Variants in GLI2 observed in about 807,000 individuals in gnomAD.
The protein encoded by GLI2 is GLI family zinc finger 2, also known as transcription activator GLI2.
GLI2 carries 22 observed loss-of-function variants against 78.9 expected under a neutral mutation model. That is an observed-to-expected ratio of 0.28 (90% CI 0.20 to 0.40). The LOEUF (loss-of-function observed/expected upper bound fraction) is 0.40, where lower values mean the gene tolerates loss of function less well. GLI2 is among the 10% of genes least tolerant of loss of function. The pLI, the probability that GLI2 is intolerant of heterozygous loss-of-function variation, is 1.00. For missense variants in GLI2, 2,097 were observed against 2,213.2 expected (o/e 0.95, Z 1.05); for synonymous variants, 974 against 963.7 (o/e 1.01, Z -0.20).
At chr2:120,893,713 A>G (rs1573552013) in intron 2 of GLI2, among the ~76,000 whole-genome samples, 2 of 152,006 alleles carry the variant, frequency 1.3e-5, no homozygotes, top group East Asian at 3.9e-4. Context: ...CCCCCACAAA[A>G]CAGAAAAAAA....
At chr2:120,833,345 C>T (rs1183219510) in intron 2 of GLI2, among the ~76,000 whole-genome samples, 2 of 152,018 alleles carry the variant, frequency 1.3e-5, no homozygotes, top group Non-Finnish European at 2.9e-5. Context: ...GGGCAGTCTG[C>T]TCCCTCCCTG....
intron 2 of GLI2, among the ~76,000 whole-genome samples, chr2:120,870,099 C>T (rs1688351889): frequency 6.6e-6 from 1 of 152,196 alleles, no homozygotes; most frequent in Non-Finnish European, 1.5e-5. Context: ...CTATCAAGGC[C>T]ATGCCCAGGT....
At chr2:120,763,959 C>T (rs992721756) in intron 1 of GLI2, among the ~76,000 whole-genome samples, 4 of 152,204 alleles carry the variant, frequency 2.6e-5, no homozygotes, top group Admixed American at 6.5e-5. Context: ...CCAGTGTGTC[C>T]GGGGAGATAA....
At chr2:120,860,842 C>T (rs977612537) in intron 2 of GLI2, among the ~76,000 whole-genome samples, 1 of 152,110 alleles carries the variant, frequency 6.6e-6, no homozygotes, top group Non-Finnish European at 1.5e-5. Flanking sequence ...GACCCTGGCT[C>T]GGCCACTTGG....
At chr2:120,791,451 G>T (rs1489243505) in intron 1 of GLI2, among the ~76,000 whole-genome samples, 1 of 152,228 alleles carries the variant, frequency 6.6e-6, no homozygotes, top group South Asian at 2.1e-4. Flanking sequence ...AGGGCCTCAG[G>T]CCGTGAGTCG....
chr2:120,871,577 C>A (rs1688434141), intron 2 of GLI2, among the ~76,000 whole-genome samples: 1 of 152,186 alleles, frequency 6.6e-6, no homozygotes, highest in Non-Finnish European at 1.5e-5. Flanking sequence ...CTGATCTGTG[C>A]TCTTATAGGT....
intron 5 of GLI2, among the ~76,000 whole-genome samples, chr2:120,962,312 G>C (rs1681605875): frequency 6.6e-6 from 1 of 152,170 alleles, no homozygotes; most frequent in Non-Finnish European, 1.5e-5. Flanking sequence ...ATTCTGCTTA[G>C]ATGGCACCTT....
At chr2:120,799,195 C>A (rs1684564625) in intron 2 of GLI2, among the ~76,000 whole-genome samples, 1 of 152,160 alleles carries the variant, frequency 6.6e-6, no homozygotes, top group African/African-American at 2.4e-5. Context: ...AGGGGCCAGG[C>A]AGGAGGCCCA....
intron 1 of GLI2, among the ~76,000 whole-genome samples, chr2:120,767,550 AAG>A (rs1247958479): frequency 2.0e-5 from 3 of 152,252 alleles, no homozygotes; most frequent in African/African-American, 7.2e-5. Context: ...ATTTTCAAGA[AAG>A]AGGTAATTGA....
chr2:120,859,241 AT>A (rs1370743803), intron 2 of GLI2, among the ~76,000 whole-genome samples: 1 of 152,138 alleles, frequency 6.6e-6, no homozygotes, highest in Non-Finnish European at 1.5e-5. Context: ...GAGATCACAC[AT>A]TGAGTTGATG....
chr2:120,741,311 G>C (rs541013530), intron 1 of GLI2, among the ~76,000 whole-genome samples: 17 of 152,168 alleles, frequency 1.1e-4, no homozygotes, highest in African/African-American at 2.9e-4. Flanking sequence ...TGGGCAGCTT[G>C]TGGTGCACCT....
At chr2:120,742,281 A>AG (rs1369886784) in intron 1 of GLI2, among the ~76,000 whole-genome samples, 1 of 152,194 alleles carries the variant, frequency 6.6e-6, no homozygotes, top group African/African-American at 2.4e-5. Context: ...CTTAGCGCTC[A>AG]GAAAAAAGAT....
intron 1 of GLI2, among the ~76,000 whole-genome samples, chr2:120,758,242 T>A (rs1295532135): frequency 1.6e-4 from 24 of 152,262 alleles, no homozygotes; most frequent in Non-Finnish European, 1.5e-5. Context: ...ATTTTACTCC[T>A]AGCACCACAC....
At chr2:120,892,068 C>T (rs759306020) in intron 2 of GLI2, among the ~76,000 whole-genome samples, 36 of 151,718 alleles carry the variant, frequency 2.4e-4, no homozygotes, top group Non-Finnish European at 4.4e-4. Flanking sequence ...GCACTTTGGA[C>T]AAAGCTTGAC....
chr2:120,773,105 G>A (rs901795740), intron 1 of GLI2, among the ~76,000 whole-genome samples: 2 of 152,192 alleles, frequency 1.3e-5, no homozygotes, highest in African/African-American at 4.8e-5. Context: ...TTGACAGTAT[G>A]TGCTTTCCTG....
intron 2 of GLI2, among the ~76,000 whole-genome samples, chr2:120,916,355 A>G (rs984989269): frequency 2.6e-5 from 4 of 152,338 alleles, no homozygotes; most frequent in African/African-American, 7.2e-5. Context: ...CCAGGGCACA[A>G]TTGGGCATCC....
rs748468288 is a variant in GLI2 at position 120,927,378 on chromosome 2, C to A, written c.166C>A (p.Pro56Thr). 2.5e-6 allele frequency: 4 copies of A among 1,613,196 alleles called. No homozygotes were observed. The highest frequency in any genetic ancestry group is 1.1e-5 in the South Asian group (1 of 91,064). Residue 56 changes from proline (P) to threonine (T), a missense_variant, in exon 3 of 14, where the codon CCA (proline) becomes ACA (threonine). Physicochemically the swap from Pro to Thr is conservative, Grantham distance 38 (BLOSUM62 -1). Coordinates refer to ENST00000361492, the MANE Select transcript of GLI2 (RefSeq NM_001374353.1). Reference sequence around the variant, plus strand: ...CTCTGCAGTGCCGCAGCATCTCTTGCCACCATTCCATGCGCCCCTACCGAT... The same window carrying A: ...CTCTGCAGTGCCGCAGCATCTCTTGACACCATTCCATGCGCCCCTACCGAT... ...AAQGVPQHLL[P>T]PFHAPLPIDM...
intron 2 of GLI2, among the ~76,000 whole-genome samples, chr2:120,826,409 G>A (rs564624163): frequency 6.6e-6 from 1 of 152,254 alleles, no homozygotes; most frequent in East Asian, 1.9e-4. Context: ...TCATGCACAG[G>A]CCCAGAACCC....
intron 2 of GLI2, among the ~76,000 whole-genome samples, chr2:120,813,490 G>C (rs959461625): frequency 1.3e-5 from 2 of 152,222 alleles, no homozygotes; most frequent in African/African-American, 4.8e-5. Context: ...GAGAGGGAGA[G>C]CCAAGCTCCA....
Sources: gnomAD v4.1 joint callset for allele counts (sites outside exome capture counted in the v4.1 genomes callset) on GRCh38, gnomAD v4.1.1 for gene constraint, MANE v1.5 for transcripts, NCBI Gene and HGNC (gene_info 2026-07-23, HGNC 2026-07-21) for gene names.